The following C2CD3 variants were observed in gnomAD, a reference collection of about 807,000 sequenced individuals.
The protein encoded by C2CD3 is C2 domain-containing protein 3.
Under a neutral mutation model 234.0 loss-of-function variants are expected in C2CD3, and 148 were observed. The ratio of observed to expected loss-of-function variants is 0.63; its 90% CI spans 0.55 to 0.72. The LOEUF (loss-of-function observed/expected upper bound fraction) is 0.72. C2CD3 is among the 30% of genes least tolerant of loss of function. C2CD3 has a pLI of 0.00. For missense variants in C2CD3, 2,577 were observed against 2,811.5 expected (o/e 0.92, Z 1.89); for synonymous variants, 1,000 against 1,035.4 (o/e 0.97, Z 0.66).
chr11:74,021,818 T>C (rs1408560845), intron 32 of C2CD3, among the ~76,000 whole-genome samples: 1 of 152,124 alleles, frequency 6.6e-6, no homozygotes, highest in Non-Finnish European at 1.5e-5. Flanking sequence ...CAAGTATAAG[T>C]GAGACTGGTT....
At chr11:74,031,721 T>C (rs1014788840) in intron 31 of C2CD3, among the ~76,000 whole-genome samples, 2 of 152,194 alleles carry the variant, frequency 1.3e-5, no homozygotes, top group Non-Finnish European at 2.9e-5. Context: ...TTTGAAAGAA[T>C]AGTCAGGAAG....
In C2CD3 at chr11:74,054,651, A is replaced by G; in HGVS notation, c.5111T>C (p.Leu1704Pro). Residue 1704 changes from leucine to proline, a missense_variant, in exon 26 of 33, where the codon CTG becomes CCG. Coordinates refer to ENST00000334126, the MANE Select transcript of C2CD3 (RefSeq NM_001286577.2). ...QQSRLSKELLLDPQQTLVFKV... is the reference protein window; with the variant it reads ...QQSRLSKELLPDPQQTLVFKV... ...GAAGACCAGGGTTTGTTGTGGGTCCAGAAGCAGCTCTTTTGATAGCCTATT... is the reference window on the plus strand; with the variant it reads ...GAAGACCAGGGTTTGTTGTGGGTCCGGAAGCAGCTCTTTTGATAGCCTATT... 1 of 1,612,698 alleles carries G rather than the reference A, an allele frequency of 6.2e-7. No individual in the cohort carries two copies. Among genetic ancestry groups the G allele is most frequent in the South Asian group, 1.1e-5 (1 of 90,796 alleles).
chr11:74,020,502 T>C (rs1213686847), intron 32 of C2CD3, among the ~76,000 whole-genome samples: 2 of 152,196 alleles, frequency 1.3e-5, no homozygotes, highest in African/African-American at 4.8e-5. Context: ...TATAGGCAAA[T>C]GTCATTTGAG....
Position 74,033,458 on chromosome 11 carries a change from G to A in C2CD3, c.6702C>T (p.Ser2234=). The A allele has an allele frequency of 6.5e-7, 1 of 1,536,156 alleles. No homozygotes were observed. The highest frequency in any genetic ancestry group is 8.7e-7 in the Non-Finnish European group (1 of 1,146,888). Residue 2234 remains serine (S), a synonymous_variant, in exon 31 of 33, where the codon TCC becomes TCT. Transcript: ENST00000334126. ...SFKKLPLNLA[S]QSRRENHKGP... ...CCTTATGGTTTTCCCTTCTGCTCTG[G>A]GAGGCTAGATTTAGCGGCAACTTCT...
Position 74,085,757 on chromosome 11 carries a change from G to A in C2CD3, c.3771C>T (p.Phe1257=), listed in dbSNP as rs770034759. ...QRRTHPVACS[F]CPEFSHHVEF... is the part of the protein sequence containing the mutation. ...CAACGTGATGGGAGAACTCAGGGCA[G>A]AAAGAACAGGCCACAGGGTGGGTTC... The change falls in exon 21 of 33, where the codon TTC becomes TTT. Residue 1257 remains phenylalanine, a synonymous_variant. Coordinates refer to ENST00000334126, the MANE Select transcript of C2CD3 (RefSeq NM_001286577.2). 4 of 1,614,176 alleles carry A rather than the reference G, an allele frequency of 2.5e-6. No homozygotes were observed. The highest frequency in any genetic ancestry group is 3.4e-6 in the Non-Finnish European group (4 of 1,180,034).
At chr11:74,080,319 T>C (rs948773270) in intron 22 of C2CD3, among the ~76,000 whole-genome samples, 36 of 152,210 alleles carry the variant, frequency 2.4e-4, no homozygotes, top group African/African-American at 8.2e-4. Context: ...TTTTTCTCTA[T>C]GAAATGAGGA....
chr11:74,064,440 GA>G (rs1257823102), intron 24 of C2CD3, among the ~76,000 whole-genome samples: 1 of 152,128 alleles, frequency 6.6e-6, no homozygotes, highest in African/African-American at 2.4e-5. Flanking sequence ...TCAAATGGAA[GA>G]ATATTCCATG....
intron 5 of C2CD3, among the ~76,000 whole-genome samples, chr11:74,137,579 ATATTTTTTC>A (rs1418817085): frequency 7.3e-5 from 11 of 150,012 alleles, no homozygotes; most frequent in Non-Finnish European, 1.3e-4. Context: ...ATATATATAT[ATATTTTTTC>A]TTTTTTTTCT....
In C2CD3 at chr11:74,132,844, C is replaced by T. The variant is rs1565331063; in HGVS notation, c.1217G>A (p.Ser406Asn). The change falls in exon 7 of 33, where the codon AGT (serine) becomes AAT (asparagine). Residue 406 changes from serine (S) to asparagine (N), a missense_variant and splice_region_variant. Physicochemically the swap from Ser to Asn is conservative, Grantham distance 46. Transcript: ENST00000334126. ...AAGAAAGCCAGTTAATAGTGCTTAC[C>T]TGCCTAATAGCAGCTGTATAGCTCT... ...DTRAIQLLLG[S>N]AELSQGNFWD... 1 of 1,613,068 alleles carries T rather than the reference C, an allele frequency of 6.2e-7. No homozygotes were observed. The highest frequency in any genetic ancestry group is 8.5e-7 in the Non-Finnish European group (1 of 1,179,592).
chr11:74,033,570 G>T lies in C2CD3; in HGVS notation c.6590C>A (p.Thr2197Lys). Residue 2197 changes from threonine (T) to lysine (K), a missense_variant, in exon 31 of 33, where the codon ACA becomes AAA. By Grantham distance (78) the Thr-to-Lys change is moderately conservative. Transcript: ENST00000334126. Reference protein sequence around the residue: ...STFVGWSSPQTDQNKEPKSEA... With the variant: ...STFVGWSSPQKDQNKEPKSEA... ...TGACTTGGGCTCCTTGTTCTGATCT[G>T]TCTGTGGTGAGCTCCATCCAACAAA... The T allele has an allele frequency of 6.5e-7, 1 of 1,536,174 alleles. No individual in the cohort carries two copies. Among genetic ancestry groups the T allele is most frequent in the African/African-American group, 1.4e-5 (1 of 73,152 alleles).
intron 3 of C2CD3, among the ~76,000 whole-genome samples, chr11:74,147,514 A>G (rs981503628): frequency 5.9e-5 from 9 of 152,248 alleles, no homozygotes; most frequent in African/African-American, 2.2e-4. Flanking sequence ...TAGGTGACTT[A>G]GTATGAGTTA....
intron 7 of C2CD3, among the ~76,000 whole-genome samples, chr11:74,123,448 T>C (rs1015778623): frequency 6.6e-6 from 1 of 152,114 alleles, no homozygotes; most frequent in Non-Finnish European, 1.5e-5. Flanking sequence ...GCTAACACAA[T>C]CTGTACTCTT....
intron 22 of C2CD3, among the ~76,000 whole-genome samples, chr11:74,083,685 T>A (rs1030242306): frequency 3.3e-5 from 5 of 152,024 alleles, no homozygotes; most frequent in African/African-American, 1.2e-4. Flanking sequence ...AACAGACACA[T>A]GAAAAAATGC....
chr11:74,033,869 G>T lies in C2CD3; in HGVS notation c.6291C>A (p.Val2097=), dbSNP rs955784510. 1.0e-5 allele frequency: 16 copies of T among 1,536,064 alleles called. No individual in the cohort carries two copies. Among genetic ancestry groups the T allele is most frequent in the Admixed American group, 3.9e-5 (2 of 50,982 alleles). Residue 2097 remains valine (V), a synonymous_variant, in exon 31 of 33, where the codon GTC becomes GTA. Transcript: ENST00000334126. ...GCACCTCGTCAGGCTGAGGGCTGAT[G>T]ACCTCACTTGTGTCTGATATGACAC... ...WSSVISDTSE[V]ISPQPDEVQR... is the part of the protein sequence containing the mutation.
Position 74,138,778 on chromosome 11 carries a change from A to C in C2CD3, c.897T>G (p.Ser299Arg). The change falls in exon 5 of 33, where the codon AGT (serine) becomes AGG (arginine). Residue 299 changes from serine (S) to arginine (R), a missense_variant. Coordinates refer to ENST00000334126, the MANE Select transcript of C2CD3 (RefSeq NM_001286577.2). ...FQPQIRTVAK[S>R]HSDSCILSSN... ...AAGAAAGAATGCATGAGTCACTGTGACTCTTGGCAACTGTTCTAATTTGAG... is the reference window on the plus strand; with the variant it reads ...AAGAAAGAATGCATGAGTCACTGTGCCTCTTGGCAACTGTTCTAATTTGAG... 6.2e-7 allele frequency: 1 copy of C among 1,612,816 alleles called. No individual in the cohort carries two copies. Among genetic ancestry groups the C allele is most frequent in the Non-Finnish European group, 8.5e-7 (1 of 1,178,898 alleles).
rs572249348 is a variant in C2CD3 at position 74,084,465 on chromosome 11, G to A, written c.4000+416C>T. ...AAAAAAAGAAAAAGAAAAAAGAAAC[G>A]GGGTTTCACCATGTTAGCCAGGCTG... On this transcript the variant is annotated intron_variant, in intron 22 of 32. Coordinates refer to ENST00000334126, the MANE Select transcript of C2CD3 (RefSeq NM_001286577.2). 1.2e-4 allele frequency among the ~76,000 whole-genome samples: 18 copies of A among 151,930 alleles called. No individual in the cohort carries two copies. The South Asian group carries it at 2.9e-3, about 25-fold the overall frequency.
At chr11:74,026,896 G>A (rs1358066504) in intron 32 of C2CD3, among the ~76,000 whole-genome samples, 3 of 146,082 alleles carry the variant, frequency 2.1e-5, no homozygotes, top group African/African-American at 7.6e-5. Context: ...GCTTGAACCC[G>A]GGAGGCAGAG....
chr11:74,136,964 TAAAAA>T (rs375515891), intron 5 of C2CD3, among the ~76,000 whole-genome samples: 1 of 144,836 alleles, frequency 6.9e-6, no homozygotes, highest in Non-Finnish European at 1.5e-5. Flanking sequence ...AAATAAAAGT[TAAAAA>T]AAAAAAGAAG....
intron 3 of C2CD3, among the ~76,000 whole-genome samples, chr11:74,149,188 C>T (rs928586064): frequency 4.6e-5 from 7 of 152,146 alleles, no homozygotes; most frequent in African/African-American, 1.7e-4. Context: ...CCACTTGTTT[C>T]CTCCATCCTC....
Sources: allele counts gnomAD v4.1 joint callset (sites outside exome capture counted in the v4.1 genomes callset), GRCh38; gene constraint gnomAD v4.1.1; transcripts MANE v1.5; gene names NCBI Gene and HGNC (gene_info 2026-07-23, HGNC 2026-07-21).